TCERG1: variants seen among roughly 807,000 people sequenced by gnomAD.
TCERG1 encodes the protein TATA box binding protein (TBP)-associated factor, RNA polymerase II, S, 150kD.
In TCERG1, 37 loss-of-function variants were observed where a neutral mutation model predicts 144.7. That is an observed-to-expected ratio of 0.26 (90% CI 0.20 to 0.34). The LOEUF (loss-of-function observed/expected upper bound fraction) is 0.34. Ranked by LOEUF, TCERG1 falls within the 10% of genes least tolerant of loss-of-function variation. The pLI is 1.00. For missense variants in TCERG1, 1,027 were observed against 1,380.7 expected (o/e 0.74, Z 4.06); for synonymous variants, 492 against 458.2 (o/e 1.07, Z -0.94).
At position 146,455,017 on chromosome 5, in the gene TCERG1, T is replaced by A. The variant is rs756073986; in HGVS notation, c.60-39T>A. The A allele has an allele frequency of 1.9e-6, 3 of 1,606,682 alleles. No individual in the cohort carries two copies. In the East Asian group the frequency reaches 6.7e-5, roughly 36 times the overall value. On this transcript the variant is annotated intron_variant, in intron 1 of 22. Coordinates refer to ENST00000679501, the MANE Select transcript of TCERG1 (RefSeq NM_001382548.1). ...AGATCAGTAGCTACATTTTTGTAATTTTAAGAAAGAAAAATTTATTCCTTG... is the reference window on the plus strand; with the variant it reads ...AGATCAGTAGCTACATTTTTGTAATATTAAGAAAGAAAAATTTATTCCTTG...
At position 146,503,976 on chromosome 5, in the gene TCERG1, C is replaced by A. The variant is rs1767713256; in HGVS notation, c.2751C>A (p.Ile917=). ...AGCAGCACAAACGAGAAGAAGCTAT[C>A]CAGAATTTCAAAGCTCTTCTGTCTG... ...EREQHKREEA[I]QNFKALLSDM... Residue 917 remains isoleucine, a synonymous_variant, in exon 19 of 23, where the codon ATC becomes ATA. Coordinates refer to ENST00000679501, the MANE Select transcript of TCERG1 (RefSeq NM_001382548.1). 3 of 1,587,902 alleles carry A rather than the reference C, an allele frequency of 1.9e-6. No individual in the cohort carries two copies. The highest frequency in any genetic ancestry group is 4.5e-5 in the East Asian group (2 of 44,550).
intron 19 of TCERG1, among the ~76,000 whole-genome samples, chr5:146,505,061 A>G (rs1261285841): frequency 4.7e-5 from 7 of 149,724 alleles, no homozygotes; most frequent in Admixed American, 2.7e-4. Flanking sequence ...AAAAATGTAC[A>G]TTAACACTAA....
chr5:146,469,437 C>G, intron 6 of TCERG1, 107 bp from the exon 7 acceptor site: 1 of 884,548 alleles, frequency 1.1e-6, no homozygotes. Context: ...TCCAACTGGT[C>G]CATTCATTTA....
intron 8 of TCERG1, 48 bp from the exon 9 acceptor site, chr5:146,471,440 C>A: frequency 6.6e-7 from 1 of 1,521,524 alleles, no homozygotes; most frequent in South Asian, 1.2e-5. Flanking sequence ...GTGGAACATT[C>A]AGGTATTGTT....
intron 1 of TCERG1, among the ~76,000 whole-genome samples, chr5:146,451,287 A>C (rs1762317585): frequency 6.7e-6 from 1 of 148,316 alleles, no homozygotes; most frequent in African/African-American, 2.5e-5. Context: ...TTTGAAAAAG[A>C]CCTTCTGATT....
At chr5:146,472,265 C>G (rs1764386975) in intron 9 of TCERG1, among the ~76,000 whole-genome samples, 1 of 152,164 alleles carries the variant, frequency 6.6e-6, no homozygotes, top group Non-Finnish European at 1.5e-5. Context: ...GCTCCACTAT[C>G]TTGTGCTTCA....
At position 146,487,731 on chromosome 5, in the gene TCERG1, C is replaced by CAA. The variant is rs60367472; in HGVS notation, c.2163+4119_2163+4120dup. ...CAGGCAACAGAACAAGACCCTGTTT[C>CAA]AAAAAAAAAAAAAAAAAATCCTAAA... On this transcript the variant is annotated intron_variant, in intron 15 of 22. Coordinates refer to ENST00000679501, the MANE Select transcript of TCERG1 (RefSeq NM_001382548.1). Among the ~76,000 whole-genome samples, 550 of 108,060 alleles carry CAA rather than the reference C, an allele frequency of 5.1e-3. 1 individual carries two copies. The highest frequency in any genetic ancestry group is 0.015 in the African/African-American group (516 of 33,774). 70.9% of individuals were successfully genotyped at this position (108,060 alleles called of 152,430 possible).
intron 4 of TCERG1, among the ~76,000 whole-genome samples, chr5:146,460,684 G>T (rs1361927984): frequency 6.6e-6 from 1 of 152,118 alleles, no homozygotes; most frequent in Admixed American, 6.5e-5. Context: ...AGTCAAGTAA[G>T]GTACATATAA....
rs1344845572 is a variant in TCERG1, at chr5:146,458,319, G to GGC, written c.439-562_439-561dup. ...AGCCTCCCAAGTAGCTGGGATTACAGGCGCCTGCCATCACGTCTAGCTAAA... is the reference window on the plus strand; with the variant it reads ...AGCCTCCCAAGTAGCTGGGATTACAGGCGCGCCTGCCATCACGTCTAGCTAAA... On this transcript the variant is annotated intron_variant, in intron 3 of 22. Coordinates refer to ENST00000679501, the MANE Select transcript of TCERG1 (RefSeq NM_001382548.1). Among the ~76,000 whole-genome samples, 3 of 151,704 alleles carry GGC rather than the reference G, an allele frequency of 2.0e-5. No homozygotes were observed. In the East Asian group the frequency reaches 5.8e-4, roughly 29 times the overall value.
rs1301079566 is a variant in TCERG1, at chr5:146,469,590, C to A, written c.1245C>A (p.Pro415=). ...CTCCTATCGTACCCATGATACATCC[C>A]CAGGTTGCTATTGCAGCTTCACCTG... ...MAPPIVPMIH[P]QVAIAASPAT... Residue 415 remains proline, a synonymous_variant, in exon 7 of 23, where the codon CCC becomes CCA. Coordinates refer to ENST00000679501, the MANE Select transcript of TCERG1 (RefSeq NM_001382548.1). 10 of 1,612,856 alleles carry A rather than the reference C, an allele frequency of 6.2e-6. No individual in the cohort carries two copies. In the Admixed American group the frequency reaches 1.0e-4, roughly 16 times the overall value.
chr5:146,466,608 A>T (rs1479698669), intron 5 of TCERG1, among the ~76,000 whole-genome samples: 1 of 152,208 alleles, frequency 6.6e-6, no homozygotes. Flanking sequence ...TCTAAAAAAA[A>T]AGGTTAAAAA....
chr5:146,497,489 C>T (rs1403489018), intron 16 of TCERG1, among the ~76,000 whole-genome samples: 1 of 152,180 alleles, frequency 6.6e-6, no homozygotes, highest in African/African-American at 2.4e-5. Context: ...AGAACGACAT[C>T]TGGACATCTT....
In TCERG1 at chr5:146,459,111, A is replaced by AG. The variant is rs1561640128; in HGVS notation, c.667dup (p.Ala223GlyfsTer43). On this transcript the variant is annotated frameshift_variant, in exon 4 of 23. Coordinates refer to ENST00000679501, the MANE Select transcript of TCERG1 (RefSeq NM_001382548.1). LOFTEE classifies it high-confidence loss of function. ...AGGCCCAGGCCCAGGCCCAGGCCCA[A>AG]GCCCAAGCCCAGGCCCAGGCTCAGG... The AG allele has an allele frequency of 9.0e-6, 14 of 1,556,962 alleles. No individual in the cohort carries two copies. The highest frequency in any genetic ancestry group is 1.2e-5 in the Non-Finnish European group (14 of 1,135,470).
At position 146,503,379 on chromosome 5, in the gene TCERG1, A is replaced by C. The variant is rs866267285; in HGVS notation, c.2438A>C (p.Lys813Thr). 6.2e-7 allele frequency: 1 copy of C among 1,612,804 alleles called. No individual in the cohort carries two copies. The highest frequency in any genetic ancestry group is 8.5e-7 in the Non-Finnish European group (1 of 1,179,234). ...ACTACCTGTTTTAAAATACAGATTA[A>C]ATCGGATTTCTTTGAACTATTATCT... The part of the protein sequence containing the change: ...EDSKTRGEKI[K>T]SDFFELLSNH... Residue 813 changes from lysine to threonine, a missense_variant, in exon 18 of 23, where the codon AAA (lysine) becomes ACA (threonine). By Grantham distance (78) the Lys-to-Thr change is moderately conservative. Transcript: ENST00000679501.
chr5:146,469,111 C>T (rs766253390), intron 6 of TCERG1, among the ~76,000 whole-genome samples: 4 of 152,046 alleles, frequency 2.6e-5, no homozygotes, highest in Non-Finnish European at 5.9e-5. Context: ...TGAGAATATT[C>T]ATACCCTTTT....
chr5:146,486,015 ATTC>A (rs1334235958), intron 15 of TCERG1, among the ~76,000 whole-genome samples: 9 of 152,160 alleles, frequency 5.9e-5, no homozygotes, highest in Admixed American at 4.6e-4. Flanking sequence ...TTTAAATAGA[ATTC>A]TTCTCTCAAC....
chr5:146,498,600 A>T lies in TCERG1; in HGVS notation c.2347A>T (p.Met783Leu), dbSNP rs756508176. The T allele has an allele frequency of 1.2e-6, 2 of 1,612,126 alleles. No individual in the cohort carries two copies. Among genetic ancestry groups the T allele is most frequent in the Non-Finnish European group, 1.7e-6 (2 of 1,179,122 alleles). The change falls in exon 17 of 23, where the codon ATG (methionine) becomes TTG (leucine). Residue 783 changes from methionine (M) to leucine (L), a missense_variant. Physicochemically the swap from Met to Leu is conservative, Grantham distance 15. Transcript: ENST00000679501. ...KDSRFKAIEK[M>L]KDREALFNEF... ...TTCAAGATTCAAAGCAATTGAAAAG[A>T]TGAAAGACCGAGAAGCCTTGTTTAA...
At position 146,510,881 on chromosome 5, in the gene TCERG1, A is replaced by T; in HGVS notation, c.*239A>T. On this transcript the variant is annotated 3_prime_UTR_variant, in exon 23 of 23. Transcript: ENST00000679501. The stretch of plus-strand genomic sequence containing the variant: ...GTCTCTAGTAAATCTTAAAATCTTG[A>T]AGCTAAAATTCATCCTTTTATGAGG... The T allele has an allele frequency of 2.9e-6, 1 of 343,226 alleles. No homozygotes were observed. Among genetic ancestry groups the T allele is most frequent in the Non-Finnish European group, 5.3e-6 (1 of 190,282 alleles). 21.3% of individuals were successfully genotyped at this position (343,226 alleles called of 1,614,324 possible).
intron 21 of TCERG1, among the ~76,000 whole-genome samples, chr5:146,508,623 G>C (rs1021649389): frequency 6.6e-6 from 1 of 152,148 alleles, no homozygotes; most frequent in Non-Finnish European, 1.5e-5. Context: ...TGATAATAAA[G>C]TCTTTTTTAA....
Sources: allele counts gnomAD v4.1 joint callset (sites outside exome capture counted in the v4.1 genomes callset), GRCh38; gene constraint gnomAD v4.1.1; transcripts MANE v1.5; gene names NCBI Gene and HGNC (gene_info 2026-07-23, HGNC 2026-07-21).